Variants in TCEANC2 observed in about 807,000 individuals in gnomAD.
TCEANC2 encodes the protein transcription elongation factor A N-terminal and central domain-containing protein 2.
Under a neutral mutation model 22.8 loss-of-function variants are expected in TCEANC2, and 20 were observed. The ratio of observed to expected loss-of-function variants is 0.88; its 90% CI spans 0.62 to 1.28. The LOEUF (loss-of-function observed/expected upper bound fraction) is 1.28. Among genes scored for constraint, TCEANC2 ranks in the 50% most tolerant of loss-of-function variants. The pLI, the probability that TCEANC2 is intolerant of heterozygous loss-of-function variation, is 0.00. For missense variants in TCEANC2, 251 were observed against 249.7 expected (o/e 1.01, Z -0.03); for synonymous variants, 84 against 95.5 (o/e 0.88, Z 0.70).
downstream of TCEANC2, among the ~76,000 whole-genome samples, chr1:54,110,435 CT>C (rs1331177847): frequency 6.6e-6 from 1 of 151,594 alleles, no homozygotes; most frequent in Non-Finnish European, 1.5e-5. Flanking sequence ...CTCTTTATCT[CT>C]TTACAAAAGA....
At chr1:54,108,801 T>C (rs921315187), downstream of TCEANC2, among the ~76,000 whole-genome samples, 3 of 151,476 alleles carry the variant, frequency 2.0e-5, no homozygotes, top group African/African-American at 7.3e-5. Flanking sequence ...TGAAACCCCA[T>C]CTCTACTAAA....
chr1:54,094,527 G>A (rs1658507889), intron 4 of TCEANC2, among the ~76,000 whole-genome samples: 1 of 152,142 alleles, frequency 6.6e-6, no homozygotes, highest in African/African-American at 2.4e-5. Flanking sequence ...GCCCTCCTGG[G>A]TTGGGTTGCT....
In TCEANC2 at chr1:54,083,010, C is replaced by T. The variant is rs143934708; in HGVS notation, c.245-5587C>T. Among the ~76,000 whole-genome samples, 1,013 of 151,774 alleles carry T rather than the reference C, an allele frequency of 6.7e-3. 11 individuals carry two copies. Among genetic ancestry groups the T allele is most frequent in the African/African-American group, 0.024 (975 of 41,356 alleles). ...CAGGGTAGTAAGAGTGGAGAACAGGCGAGGAGGAAGAGTAAAAGATAGAGG... is the reference window on the plus strand; with the variant it reads ...CAGGGTAGTAAGAGTGGAGAACAGGTGAGGAGGAAGAGTAAAAGATAGAGG... On this transcript the variant is annotated intron_variant, in intron 3 of 4. Coordinates refer to ENST00000234827, the MANE Select transcript of TCEANC2 (RefSeq NM_153035.3).
chr1:54,072,153 C>G (rs1330533768), intron 3 of TCEANC2, among the ~76,000 whole-genome samples: 1 of 152,076 alleles, frequency 6.6e-6, no homozygotes, highest in Non-Finnish European at 1.5e-5. Flanking sequence ...TTCGTTATTT[C>G]TGTTGCCTCC....
intron 4 of TCEANC2, among the ~76,000 whole-genome samples, chr1:54,095,877 T>C (rs1000769214): frequency 1.3e-5 from 2 of 152,172 alleles, no homozygotes; most frequent in Non-Finnish European, 2.9e-5. Flanking sequence ...GTACACATAT[T>C]AGGATCTAGA....
chr1:54,054,947 C>T (rs1166959821), intron 2 of TCEANC2, among the ~76,000 whole-genome samples: 1 of 152,126 alleles, frequency 6.6e-6, no homozygotes, highest in East Asian at 1.9e-4. Context: ...TCAGCTGAGA[C>T]TGGGAAAGAG....
intron 2 of TCEANC2, among the ~76,000 whole-genome samples, chr1:54,055,022 G>A (rs1353780994): frequency 1.3e-5 from 2 of 152,100 alleles, no homozygotes; most frequent in Non-Finnish European, 2.9e-5. Flanking sequence ...CTGTCACCCA[G>A]ACTGCAGTAC....
At position 54,093,314 on chromosome 1, in the gene TCEANC2, C is replaced by T. The variant is rs1481979594; in HGVS notation, c.439-2971C>T. ...TCACCTAAAGCACCAGATTAGGACC[C>T]ACTGGAAAGGACTCATCAACTTGGG... On this transcript the variant is annotated intron_variant, in intron 4 of 4. Transcript: ENST00000234827. Among the ~76,000 whole-genome samples the T allele has an allele frequency of 2.0e-5, 3 of 152,140 alleles. No homozygotes were observed. In the East Asian group the frequency reaches 5.8e-4, roughly 29 times the overall value.
chr1:54,092,720 A>T (rs1658470607), intron 4 of TCEANC2, among the ~76,000 whole-genome samples: 1 of 152,136 alleles, frequency 6.6e-6, no homozygotes, highest in African/African-American at 2.4e-5. Flanking sequence ...CTTAAGGTAA[A>T]CGCATGAAGA....
rs889172112 is a variant in TCEANC2 at position 54,105,142 on chromosome 1, A to T, written c.*8669A>T. The T allele has an allele frequency of 6.5e-6, 1 of 153,828 alleles. No individual in the cohort carries two copies. Among genetic ancestry groups the T allele is most frequent in the African/African-American group, 2.4e-5 (1 of 41,442 alleles). The allele number at this position is 153,828 out of a possible 1,614,324, so 9.5% of individuals were successfully genotyped here. ...GAGGTCCACCAGAACTTAAACCAAAAAGTAGAGCTGAGCAGCACAAATGTG... is the reference window on the plus strand; with the variant it reads ...GAGGTCCACCAGAACTTAAACCAAATAGTAGAGCTGAGCAGCACAAATGTG... On this transcript the variant is annotated 3_prime_UTR_variant, in exon 5 of 5. Coordinates refer to ENST00000234827, the MANE Select transcript of TCEANC2 (RefSeq NM_153035.3).
chr1:54,094,709 G>A (rs557567202), intron 4 of TCEANC2, among the ~76,000 whole-genome samples: 14 of 152,330 alleles, frequency 9.2e-5, no homozygotes, highest in Non-Finnish European at 1.9e-4. Flanking sequence ...CACAGAGCCT[G>A]GCACATAGTG....
In TCEANC2 at chr1:54,096,679, C is replaced by T; in HGVS notation, c.*206C>T. On this transcript the variant is annotated 3_prime_UTR_variant, in exon 5 of 5. Transcript: ENST00000234827. This position sits in a 1 kb window ranked among gnomAD's most constrained non-coding sequence, Gnocchi z 4.9. Reference sequence around the variant, plus strand: ...CTTCATTAGCTGCAGTGCGCTGGTGCTGCCTAACAGAACGCACACTGGCTG... The same window carrying T: ...CTTCATTAGCTGCAGTGCGCTGGTGTTGCCTAACAGAACGCACACTGGCTG... 7.9e-7 allele frequency: 1 copy of T among 1,261,874 alleles called. No individual in the cohort carries two copies. The highest frequency in any genetic ancestry group is 1.0e-6 in the Non-Finnish European group (1 of 978,562). The allele number at this position is 1,261,874 out of a possible 1,614,324, so 78.2% of individuals were successfully genotyped here. A position where few individuals can be genotyped will look rare whatever the true frequency, so the allele number is the denominator to read the frequency against.
Position 54,096,247 on chromosome 1 carries a change from A to G in TCEANC2, c.439-38A>G. On this transcript the variant is annotated intron_variant, in intron 4 of 4. Coordinates refer to ENST00000234827, the MANE Select transcript of TCEANC2 (RefSeq NM_153035.3). The surrounding 1 kb of genome is among the most constrained non-coding windows in gnomAD (Gnocchi z 4.9). ...CTCTCTTGCTTTTAATCCTTACGCA[A>G]TGTAAGGCTCTAATTTGATAATTTT... 6.4e-7 allele frequency: 1 copy of G among 1,565,502 alleles called. No individual in the cohort carries two copies. The highest frequency in any genetic ancestry group is 8.7e-7 in the Non-Finnish European group (1 of 1,145,706).
chr1:54,074,988 G>A (rs1658122029), intron 3 of TCEANC2, among the ~76,000 whole-genome samples: 1 of 152,162 alleles, frequency 6.6e-6, no homozygotes, highest in Non-Finnish European at 1.5e-5. Context: ...AGTGAGAGAA[G>A]TTAGTGTAGG....
At position 54,097,585 on chromosome 1, in the gene TCEANC2, A is replaced by G. The variant is rs1292231928; in HGVS notation, c.*1112A>G. On this transcript the variant is annotated 3_prime_UTR_variant, in exon 5 of 5. Coordinates refer to ENST00000234827, the MANE Select transcript of TCEANC2 (RefSeq NM_153035.3). The stretch of plus-strand genomic sequence containing the variant: ...ACTAACATTATTGCCTACCTTCTAA[A>G]TACTAGGCACTTTTCCTAAGACAGT... 6.6e-6 allele frequency: 1 copy of G among 152,244 alleles called. No homozygotes were observed. The highest frequency in any genetic ancestry group is 1.5e-5 in the Non-Finnish European group (1 of 68,046). The allele number at this position is 152,244 out of a possible 1,614,324, so 9.4% of individuals were successfully genotyped here.
At chr1:54,057,001 C>T (rs916248811) in intron 2 of TCEANC2, among the ~76,000 whole-genome samples, 2 of 151,254 alleles carry the variant, frequency 1.3e-5, no homozygotes, top group African/African-American at 4.9e-5. Context: ...AGGATGGTAC[C>T]ACTGCACTGC....
chr1:54,084,913 G>A (rs2100378442), intron 3 of TCEANC2, among the ~76,000 whole-genome samples: 1 of 152,296 alleles, frequency 6.6e-6, no homozygotes, highest in South Asian at 2.1e-4. Flanking sequence ...GGGATAAGGA[G>A]AACTCCACCT....
chr1:54,101,835 A>G lies in TCEANC2; in HGVS notation c.*5362A>G, dbSNP rs1304401695. On this transcript the variant is annotated 3_prime_UTR_variant, in exon 5 of 5. Transcript: ENST00000234827. The stretch of plus-strand genomic sequence containing the variant: ...ATTTTTTATTAGCCAGATTGTCACC[A>G]TGTTGATCAGGCTTGTCTTGGACTC... The G allele has an allele frequency of 2.0e-5, 3 of 152,118 alleles. No individual in the cohort carries two copies. Among genetic ancestry groups the G allele is most frequent in the Non-Finnish European group, 4.4e-5 (3 of 68,040 alleles). The allele number at this position is 152,118 out of a possible 1,614,324, so 9.4% of individuals were successfully genotyped here.
chr1:54,058,673 T>G (rs1657797028), intron 2 of TCEANC2, among the ~76,000 whole-genome samples: 1 of 152,200 alleles, frequency 6.6e-6, no homozygotes, highest in African/African-American at 2.4e-5. Context: ...GCTTGTTTGT[T>G]TGACATGAAG....
Sources: allele counts gnomAD v4.1 joint callset (sites outside exome capture counted in the v4.1 genomes callset), GRCh38; gene constraint gnomAD v4.1.1; non-coding constraint Gnocchi (gnomAD v3.1); transcripts MANE v1.5; gene names NCBI Gene and HGNC (gene_info 2026-07-23, HGNC 2026-07-21).